Variants in GASK1A observed in about 807,000 individuals in gnomAD.
GASK1A encodes golgi associated kinase 1A.
Under a neutral mutation model 41.2 loss-of-function variants are expected in GASK1A, and 40 were observed. That is an observed-to-expected ratio of 0.97 (90% CI 0.75 to 1.27). The LOEUF is 1.27. Among genes scored for constraint, GASK1A ranks in the 50% most tolerant of loss-of-function variants. The pLI, the probability that GASK1A is intolerant of heterozygous loss-of-function variation, is 0.00. For synonymous variants in GASK1A, 316 were observed against 307.1 expected (o/e 1.03, Z -0.30); for missense variants, 678 against 745.1 (o/e 0.91, Z 1.05).
chr3:43,034,858 T>A (rs2089597079), intron 2 of GASK1A, among the ~76,000 whole-genome samples: 1 of 152,170 alleles, frequency 6.6e-6, no homozygotes. Flanking sequence ...TGCCATACTC[T>A]CCTTTTGGCC....
At chr3:43,039,950 T>C (rs1347850287) in intron 2 of GASK1A, among the ~76,000 whole-genome samples, 1 of 152,228 alleles carries the variant, frequency 6.6e-6, no homozygotes, top group Non-Finnish European at 1.5e-5. Context: ...TTGTAGTATA[T>C]AATATTTCCC....
intron 2 of GASK1A, among the ~76,000 whole-genome samples, chr3:43,047,020 T>C (rs558518510): frequency 2.0e-5 from 3 of 152,258 alleles, no homozygotes; most frequent in African/African-American, 7.2e-5. Context: ...GCTGAAGGGG[T>C]GGAACCCTCA....
chr3:43,015,162 C>T (rs2089483605), intron 1 of GASK1A, among the ~76,000 whole-genome samples: 1 of 145,310 alleles, frequency 6.9e-6, no homozygotes, highest in South Asian at 2.2e-4. Flanking sequence ...TGTGGGAAGT[C>T]ACAGAAAGGG....
rs572466412 is a variant in GASK1A at position 43,032,459 on chromosome 3, T to A, written c.196T>A (p.Ser66Thr). The A allele has an allele frequency of 2.9e-4, 445 of 1,551,118 alleles. 5 individuals are homozygous for A. In the South Asian group the frequency reaches 4.9e-3, roughly 17 times the overall value. Residue 66 changes from serine (S) to threonine (T), a missense_variant, in exon 2 of 5, where the codon TCC (serine) becomes ACC (threonine). Coordinates refer to ENST00000430121, the MANE Select transcript of GASK1A (RefSeq NM_001129908.3). ...PATHIRQALSSSRRQRARNMG... is the reference protein window; with the variant it reads ...PATHIRQALSTSRRQRARNMG... ...AACCCATATCCGGCAGGCTTTGAGC[T>A]CCAGCCGGAGGCAGCGGGCAAGAAA...
chr3:43,047,822 A>G (rs1008560979), intron 2 of GASK1A, among the ~76,000 whole-genome samples: 9 of 152,174 alleles, frequency 5.9e-5, no homozygotes, highest in Non-Finnish European at 1.2e-4. Flanking sequence ...GGAGCTGCTA[A>G]ATCCACCCAA....
chr3:43,013,929 A>G (rs1273534969), intron 1 of GASK1A, among the ~76,000 whole-genome samples: 1 of 151,974 alleles, frequency 6.6e-6, no homozygotes, highest in African/African-American at 2.4e-5. Context: ...AAGTCACAGG[A>G]AGAGGCAGTG....
At chr3:43,037,077 G>T in intron 2 of GASK1A, 1 of 591,694 alleles carries the variant, frequency 1.7e-6, no homozygotes, top group Non-Finnish European at 3.0e-6. Context: ...GCTCACTCTT[G>T]GGTGCTGACC....
At chr3:43,042,320 AAAAAAAT>A (rs1219568126) in intron 2 of GASK1A, among the ~76,000 whole-genome samples, 5 of 75,306 alleles carry the variant, frequency 6.6e-5, no homozygotes, top group East Asian at 5.1e-4. Flanking sequence ...AAAAAAAAAA[AAAAAAAT>A]TAAAACTTAG....
intron 2 of GASK1A, among the ~76,000 whole-genome samples, chr3:43,042,042 T>C (rs2125689781): frequency 6.6e-6 from 1 of 152,198 alleles, no homozygotes; most frequent in East Asian, 1.9e-4. Flanking sequence ...AGGCACTGCT[T>C]GAGGAAACCA....
At position 42,983,887 on chromosome 3, in the gene GASK1A, G is replaced by A. The variant is rs570279357; in HGVS notation, c.3+4242G>A. On this transcript the variant is annotated intron_variant, in intron 1 of 4. Coordinates refer to ENST00000430121, the MANE Select transcript of GASK1A (RefSeq NM_001129908.3). ...TTGATCCAAAAAACAGGGATGTCGGGGGTGGTGGGAACAGGCCTCACAAAG... is the reference window on the plus strand; with the variant it reads ...TTGATCCAAAAAACAGGGATGTCGGAGGTGGTGGGAACAGGCCTCACAAAG... Among the ~76,000 whole-genome samples the A allele has an allele frequency of 5.1e-4, 78 of 152,268 alleles. 1 individual carries two copies. Among genetic ancestry groups the A allele is most frequent in the African/African-American group, 1.9e-3 (77 of 41,528 alleles).
intron 1 of GASK1A, among the ~76,000 whole-genome samples, chr3:42,993,466 G>C (rs72869040): frequency 4.6e-5 from 7 of 151,310 alleles, no homozygotes; most frequent in African/African-American, 1.7e-4. Flanking sequence ...TATATCACAC[G>C]TTTGTTTTTT....
intron 2 of GASK1A, among the ~76,000 whole-genome samples, chr3:43,048,024 T>C (rs776424546): frequency 8.6e-5 from 13 of 151,992 alleles, no homozygotes; most frequent in Non-Finnish European, 1.2e-4. Flanking sequence ...AGCAAAACCA[T>C]CCAAAAAAGA....
chr3:43,038,985 TAATA>T (rs2089620129), intron 2 of GASK1A, among the ~76,000 whole-genome samples: 1 of 151,938 alleles, frequency 6.6e-6, no homozygotes, highest in Non-Finnish European at 1.5e-5. Context: ...TTACAATGCT[TAATA>T]AACATCTTTA....
chr3:43,030,544 T>C (rs989761717), intron 1 of GASK1A, among the ~76,000 whole-genome samples: 2 of 152,234 alleles, frequency 1.3e-5, no homozygotes, highest in Admixed American at 6.5e-5. Flanking sequence ...CCTCCTGTTT[T>C]CATCTCTGGT....
At chr3:43,003,058 T>C (rs932911950) in intron 1 of GASK1A, among the ~76,000 whole-genome samples, 1 of 152,240 alleles carries the variant, frequency 6.6e-6, no homozygotes, top group African/African-American at 2.4e-5. Context: ...AGTGAATCTT[T>C]AGAGCATTGA....
intron 1 of GASK1A, among the ~76,000 whole-genome samples, chr3:43,014,203 G>C (rs1325690077): frequency 6.6e-6 from 1 of 151,946 alleles, no homozygotes; most frequent in Non-Finnish European, 1.5e-5. Flanking sequence ...GAAGTCACAG[G>C]TAGGGACAGG....
chr3:43,010,260 A>T (rs1330474253), intron 1 of GASK1A, among the ~76,000 whole-genome samples: 2 of 152,162 alleles, frequency 1.3e-5, no homozygotes, highest in African/African-American at 2.4e-5. Context: ...TGAAGGAGGG[A>T]GTCTGAAAAG....
chr3:43,019,510 C>T (rs2089510894), intron 1 of GASK1A, among the ~76,000 whole-genome samples: 1 of 152,190 alleles, frequency 6.6e-6, no homozygotes, highest in Non-Finnish European at 1.5e-5. Context: ...TTTAATCCAG[C>T]CCTCTGAAAA....
At chr3:42,989,375 G>C (rs548048346) in intron 1 of GASK1A, among the ~76,000 whole-genome samples, 5 of 152,248 alleles carry the variant, frequency 3.3e-5, no homozygotes, top group South Asian at 4.1e-4. Flanking sequence ...TCCCTTTTAG[G>C]GTTCAGAATG....
Sources: gnomAD v4.1 joint callset for allele counts (sites outside exome capture counted in the v4.1 genomes callset) on GRCh38, gnomAD v4.1.1 for gene constraint, MANE v1.5 for transcripts, NCBI Gene and HGNC (gene_info 2026-07-23, HGNC 2026-07-21) for gene names.